The following CREBL2 variants were observed in gnomAD, a reference collection of about 807,000 sequenced individuals.
CREBL2 encodes cAMP-responsive element-binding protein-like 2.
CREBL2 carries 4 observed loss-of-function variants against 19.5 expected under a neutral mutation model. The observed-to-expected ratio is 0.20, with a 90% CI of 0.10 to 0.47. The LOEUF is 0.47. Among genes scored for constraint, CREBL2 ranks in the 20% least tolerant of loss-of-function variants. The pLI is 0.98. For synonymous variants in CREBL2, 42 were observed against 46.6 expected (o/e 0.90, Z 0.40); for missense variants, 85 against 145.1 (o/e 0.59, Z 2.13).
chr12:12,618,223 C>T (rs997066140), intron 1 of CREBL2, among the ~76,000 whole-genome samples: 1 of 150,880 alleles, frequency 6.6e-6, no homozygotes, highest in Non-Finnish European at 1.5e-5. Context: ...AGACGCTCCT[C>T]ACTTCCCAGA....
At chr12:12,627,178 C>T (rs918748145) in intron 1 of CREBL2, among the ~76,000 whole-genome samples, 1 of 151,964 alleles carries the variant, frequency 6.6e-6, no homozygotes, top group Non-Finnish European at 1.5e-5. Flanking sequence ...CTGTGGACTT[C>T]AGTTACTAAT....
chr12:12,644,042 G>A lies in CREBL2; in HGVS notation c.*2044G>A, dbSNP rs1033881958. 6.6e-6 allele frequency: 1 copy of A among 152,592 alleles called. No individual in the cohort carries two copies. The allele number at this position is 152,592 out of a possible 1,614,324, so 9.5% of individuals were successfully genotyped here. A position where few individuals can be genotyped will look rare whatever the true frequency, so the allele number is the denominator to read the frequency against. ...TCAATGGAACGTCTTTATTGTGCTT[G>A]AAGTATTTCTTCTCTGGTTGTAATT... is the stretch of plus-strand genomic sequence containing the variant. On this transcript the variant is annotated 3_prime_UTR_variant, in exon 4 of 4. Transcript: ENST00000228865.
intron 2 of CREBL2, among the ~76,000 whole-genome samples, chr12:12,637,243 A>AG (rs1438112659): frequency 3.3e-5 from 5 of 151,490 alleles, no homozygotes; most frequent in African/African-American, 1.2e-4. Context: ...TAAAAAAAAA[A>AG]AGATTAATTC....
At chr12:12,640,459 A>G (rs1402092403) in intron 3 of CREBL2, among the ~76,000 whole-genome samples, 1 of 152,160 alleles carries the variant, frequency 6.6e-6, no homozygotes, top group Admixed American at 6.5e-5. Flanking sequence ...GTTCCATAAA[A>G]ATCACTGTTA....
intron 1 of CREBL2, among the ~76,000 whole-genome samples, chr12:12,621,143 T>C (rs1348372613): frequency 1.3e-5 from 2 of 152,218 alleles, no homozygotes; most frequent in Non-Finnish European, 2.9e-5. Context: ...GTTGGAATTA[T>C]TCCACTCTGC....
chr12:12,618,629 G>A (rs1416340536), intron 1 of CREBL2, among the ~76,000 whole-genome samples: 5 of 152,200 alleles, frequency 3.3e-5, no homozygotes, highest in Admixed American at 6.5e-5. Flanking sequence ...CAGGCGGGGT[G>A]GCGGCCGGGC....
chr12:12,632,068 C>CTTTTTTTTTTTTTTTTTT (rs869253910), intron 1 of CREBL2, among the ~76,000 whole-genome samples: 8 of 80,598 alleles, frequency 9.9e-5, no homozygotes, highest in African/African-American at 4.1e-4. Context: ...CTATGCCTTT[C>CTTTTTTTTTTTTTTTTTT]TTTTTTTTTT....
At chr12:12,633,243 A>G (rs1197332804) in intron 1 of CREBL2, among the ~76,000 whole-genome samples, 1 of 151,890 alleles carries the variant, frequency 6.6e-6, no homozygotes, top group Non-Finnish European at 1.5e-5. Context: ...AGCTAGATGT[A>G]TATTGTTATA....
chr12:12,620,717 GAA>G (rs1209986619), intron 1 of CREBL2, among the ~76,000 whole-genome samples: 1 of 152,182 alleles, frequency 6.6e-6, no homozygotes, highest in African/African-American at 2.4e-5. Context: ...AAGATTTTCA[GAA>G]AAGTTTATTT....
At position 12,644,509 on chromosome 12, in the gene CREBL2, T is replaced by C. The variant is rs1945549777; in HGVS notation, c.*2511T>C. On this transcript the variant is annotated 3_prime_UTR_variant, in exon 4 of 4. Transcript: ENST00000228865. ...CCAAAGAAAGAAAAGGGGGAAAATA[T>C]ATTTGTATGTTTAGACCAGCCAAAT... 1 of 152,616 alleles carries C rather than the reference T, an allele frequency of 6.6e-6. No homozygotes were observed. Among genetic ancestry groups the C allele is most frequent in the African/African-American group, 2.4e-5 (1 of 41,450 alleles). 9.5% of individuals were successfully genotyped at this position (152,616 alleles called of 1,614,324 possible).
intron 1 of CREBL2, among the ~76,000 whole-genome samples, chr12:12,619,066 A>AGAGGGAGAG (rs1040268463): frequency 8.8e-6 from 1 of 113,166 alleles, no homozygotes; most frequent in Non-Finnish European, 2.2e-5. Flanking sequence ...GAGAGGAGGG[A>AGAGGGAGAG]GAGGGAGAGG....
At chr12:12,623,949 A>C in intron 1 of CREBL2, among the ~76,000 whole-genome samples, 1 of 152,214 alleles carries the variant, frequency 6.6e-6, no homozygotes, top group Middle Eastern at 3.2e-3. Context: ...GCTACAAGTC[A>C]AGGAATGCTG....
intron 1 of CREBL2, among the ~76,000 whole-genome samples, chr12:12,613,948 T>C (rs1592235873): frequency 6.6e-6 from 1 of 151,606 alleles, no homozygotes; most frequent in Non-Finnish European, 1.5e-5. Context: ...GAATATTTCT[T>C]TGGGGAGGGG....
Position 12,617,707 on chromosome 12 carries a change from TTTC to T in CREBL2, c.15+5522_15+5524del, listed in dbSNP as rs540982260. On this transcript the variant is annotated intron_variant, in intron 1 of 3. Transcript: ENST00000228865. ...AGTATTTATTGATCATTCTTGGGTG[TTTC>T]TCAGAGAGGGGGATTTGGCAGGGTC... Among the ~76,000 whole-genome samples the T allele has an allele frequency of 1.5e-3, 211 of 138,108 alleles. 2 individuals are homozygous for T. Among genetic ancestry groups the T allele is most frequent in the African/African-American group, 5.6e-3 (206 of 36,832 alleles). 90.6% of individuals were successfully genotyped at this position (138,108 alleles called of 152,430 possible).
At chr12:12,631,210 T>C (rs867442776) in intron 1 of CREBL2, among the ~76,000 whole-genome samples, 16 of 152,182 alleles carry the variant, frequency 1.1e-4, no homozygotes, top group African/African-American at 3.6e-4. Flanking sequence ...TGAAAGAAGC[T>C]CTCTGTGAAG....
rs1430091244 is a variant in CREBL2 at position 12,613,277 on chromosome 12, G to A, written c.15+1090G>A. On this transcript the variant is annotated intron_variant, in intron 1 of 3. Coordinates refer to ENST00000228865, the MANE Select transcript of CREBL2 (RefSeq NM_001310.4). ...TGATGTTTCAGGTTGTTTTGGATTT[G>A]GACTTTTTTATTTTAAGGAATCAGA... 1.3e-5 allele frequency among the ~76,000 whole-genome samples: 2 copies of A among 152,166 alleles called. 1 individual carries two copies.
In CREBL2 at chr12:12,616,493, A is replaced by C. The variant is rs1945312384; in HGVS notation, c.15+4306A>C. Among the ~76,000 whole-genome samples the C allele has an allele frequency of 2.0e-5, 3 of 152,206 alleles. No individual in the cohort carries two copies. In the South Asian group the frequency reaches 6.2e-4, roughly 32 times the overall value. ...AAACCTTAGTGAGCATCAAAAAGAA[A>C]ATTCATTTAAATGTCTCTGGATGGA... is the stretch of plus-strand genomic sequence containing the variant. On this transcript the variant is annotated intron_variant, in intron 1 of 3. Coordinates refer to ENST00000228865, the MANE Select transcript of CREBL2 (RefSeq NM_001310.4).
In CREBL2 at chr12:12,611,971, G is replaced by T. The variant is rs1290408767; in HGVS notation, c.-202G>T. 4.9e-6 allele frequency: 3 copies of T among 611,810 alleles called. No homozygotes were observed. The African/African-American group carries it at 5.6e-5, about 11-fold the overall frequency. The allele number at this position is 611,810 out of a possible 1,614,324, so 37.9% of individuals were successfully genotyped here. ...GCGGCGAAGGGAGGCGTTTGGGGCC[G>T]CCTCCAGGGTCCGCTCTGCCATTCC... On this transcript the variant is annotated 5_prime_UTR_variant, in exon 1 of 4. Coordinates refer to ENST00000228865, the MANE Select transcript of CREBL2 (RefSeq NM_001310.4).
intron 1 of CREBL2, among the ~76,000 whole-genome samples, chr12:12,632,029 A>G (rs889283198): frequency 7.3e-5 from 11 of 151,152 alleles, no homozygotes; most frequent in Middle Eastern, 3.4e-3. Flanking sequence ...AGGAAATGAC[A>G]TAAAATACAG....
Sources: gnomAD v4.1 joint callset for allele counts (sites outside exome capture counted in the v4.1 genomes callset) on GRCh38, gnomAD v4.1.1 for gene constraint, MANE v1.5 for transcripts, NCBI Gene and HGNC (gene_info 2026-07-23, HGNC 2026-07-21) for gene names.